The following UBE3C variants were observed in gnomAD, a reference collection of about 807,000 sequenced individuals.
UBE3C encodes ubiquitin protein ligase E3C.
UBE3C carries 42 observed loss-of-function variants against 129.4 expected under a neutral mutation model. The ratio of observed to expected loss-of-function variants is 0.32; its 90% CI spans 0.25 to 0.42. The LOEUF is 0.42. Ranked by LOEUF, UBE3C falls within the 10% of genes least tolerant of loss-of-function variation. The pLI, the probability that UBE3C is intolerant of heterozygous loss-of-function variation, is 1.00. For missense variants in UBE3C, 1,049 were observed against 1,319.1 expected, an observed-to-expected ratio of 0.80 and a Z score of 3.17; for synonymous variants, 510 against 492.4, an observed-to-expected ratio of 1.04 and a Z score of -0.47.
At chr7:157,140,149 C>T in intron 1 of UBE3C, 1 of 423,954 alleles carries the variant, frequency 2.4e-6, no homozygotes, top group Non-Finnish European at 3.2e-6. Context: ...ACTGTGTGGT[C>T]TTGTTCCCGC....
intron 17 of UBE3C, among the ~76,000 whole-genome samples, chr7:157,230,556 G>A (rs1636606): frequency 1.3e-4 from 20 of 152,004 alleles, no homozygotes; most frequent in Non-Finnish European, 2.1e-4. Context: ...TTAGCCAGGT[G>A]TGGTGGCACA....
At chr7:157,155,365 A>G (rs1323435300) in intron 1 of UBE3C, among the ~76,000 whole-genome samples, 3 of 152,212 alleles carry the variant, frequency 2.0e-5, no homozygotes, top group Non-Finnish European at 4.4e-5. Flanking sequence ...TTCTGTGTAA[A>G]TGGAGTAAAT....
Position 157,169,102 on chromosome 7 carries a change from T to A in UBE3C, c.175T>A (p.Tyr59Asn). 1 of 1,613,672 alleles carries A rather than the reference T, an allele frequency of 6.2e-7. No homozygotes were observed. Among genetic ancestry groups the A allele is most frequent in the Non-Finnish European group, 8.5e-7 (1 of 1,179,850 alleles). Residue 59 changes from tyrosine (Y) to asparagine (N), a missense_variant, in exon 3 of 23, where the codon TAT becomes AAT. By Grantham distance (143) the Tyr-to-Asn change is moderately radical. Around this residue, in one of 4 missense-constraint regions of UBE3C, gnomAD observed 489 missense variants for 513.8 expected, o/e 0.95. Transcript: ENST00000348165. ...AIIIQSFIRG[Y>N]RDRKQQYSIQ... ...AATTATCCAGTCATTTATTCGAGGC[T>A]ATAGAGACAGAAAACAGCAAGTAAG... is the stretch of plus-strand genomic sequence containing the variant.
intron 9 of UBE3C, among the ~76,000 whole-genome samples, chr7:157,186,271 A>G (rs1808802452): frequency 6.6e-6 from 1 of 152,108 alleles, no homozygotes; most frequent in Non-Finnish European, 1.5e-5. Context: ...TAAAAATACA[A>G]AAATTAGCTG....
intron 10 of UBE3C, among the ~76,000 whole-genome samples, chr7:157,199,223 CT>C (rs1411761305): frequency 6.6e-6 from 1 of 152,102 alleles, no homozygotes; most frequent in Non-Finnish European, 1.5e-5. Flanking sequence ...CAAATAATAC[CT>C]TTTCAAATTA....
chr7:157,148,848 C>T (rs914214220), intron 1 of UBE3C, among the ~76,000 whole-genome samples: 1 of 151,288 alleles, frequency 6.6e-6, no homozygotes, highest in African/African-American at 2.4e-5. Context: ...CTCCTGATCT[C>T]CAGCGATTCT....
At position 157,253,436 on chromosome 7, in the gene UBE3C, G is replaced by T. The variant is rs1182379; in HGVS notation, c.2695-518G>T. On this transcript the variant is annotated intron_variant, in intron 19 of 22. Transcript: ENST00000348165. Reference sequence around the variant, plus strand: ...ATATACATAAGAAATTGGCTGATCTGTTATCACTGATCGTTACCACCACCC... The same window carrying T: ...ATATACATAAGAAATTGGCTGATCTTTTATCACTGATCGTTACCACCACCC... Among the ~76,000 whole-genome samples the T allele has an allele frequency of 8.9e-3, 1,353 of 152,334 alleles. 6 individuals are homozygous for T. Among genetic ancestry groups the T allele is most frequent in the Non-Finnish European group, 0.014 (926 of 68,032 alleles).
chr7:157,253,328 G>A (rs1365540148), intron 19 of UBE3C, among the ~76,000 whole-genome samples: 1 of 152,214 alleles, frequency 6.6e-6, no homozygotes, highest in Non-Finnish European at 1.5e-5. Context: ...CTCTTGTGGT[G>A]TTTATGGGAG....
At chr7:157,195,521 G>T (rs540927670) in intron 10 of UBE3C, among the ~76,000 whole-genome samples, 1 of 152,294 alleles carries the variant, frequency 6.6e-6, no homozygotes, top group East Asian at 1.9e-4. Flanking sequence ...TAAATTGATG[G>T]TGCTGATGGC....
At chr7:157,148,875 G>A (rs1247283166) in intron 1 of UBE3C, among the ~76,000 whole-genome samples, 1 of 151,484 alleles carries the variant, frequency 6.6e-6, no homozygotes, top group Non-Finnish European at 1.5e-5. Flanking sequence ...TCAGCCTCCT[G>A]AGGAGCTGGA....
At chr7:157,197,951 A>G (rs550404999) in intron 10 of UBE3C, 3 of 1,608,566 alleles carry the variant, frequency 1.9e-6, no homozygotes, top group East Asian at 4.5e-5. Context: ...CTTCTCCACT[A>G]AAAGCCTTGA....
At position 157,248,445 on chromosome 7, in the gene UBE3C, C is replaced by T. The variant is rs144443687; in HGVS notation, c.2559C>T (p.Asp853=). The T allele has an allele frequency of 1.5e-5, 25 of 1,613,490 alleles. No homozygotes were observed. The highest frequency in any genetic ancestry group is 1.1e-4 in the African/African-American group (8 of 74,864). The stretch of plus-strand genomic sequence containing the variant: ...CCAAGTTGCTTGGAACCAGTGCCGA[C>T]GTGGACATTCACCACCTCGCCTCCC... ...FLSKLLGTSA[D]VDIHHLASLD... is the part of the protein sequence containing the mutation. The change falls in exon 19 of 23, where the codon GAC becomes GAT. Residue 853 remains aspartate (D), a synonymous_variant. Transcript: ENST00000348165.
At chr7:157,259,566 T>C (rs890537681) in intron 22 of UBE3C, among the ~76,000 whole-genome samples, 1 of 152,216 alleles carries the variant, frequency 6.6e-6, no homozygotes, top group African/African-American at 2.4e-5. Context: ...ATAAATGATA[T>C]CTACTACACT....
chr7:157,204,279 G>A (rs529076034), intron 11 of UBE3C, among the ~76,000 whole-genome samples: 49 of 151,838 alleles, frequency 3.2e-4, no homozygotes, highest in African/African-American at 1.1e-3. Flanking sequence ...TGCATTGCTA[G>A]GACTTACAGC....
chr7:157,244,007 G>GA (rs1796412121), intron 18 of UBE3C, among the ~76,000 whole-genome samples: 1 of 152,150 alleles, frequency 6.6e-6, no homozygotes, highest in Non-Finnish European at 1.5e-5. Flanking sequence ...CGAGGCGGGT[G>GA]ATCACCTGAG....
intron 10 of UBE3C, among the ~76,000 whole-genome samples, chr7:157,198,818 G>A (rs780956720): frequency 6.6e-6 from 1 of 152,168 alleles, no homozygotes; most frequent in Non-Finnish European, 1.5e-5. Context: ...ACAGGCGTGA[G>A]CACCTGGCCC....
intron 18 of UBE3C, 147 bp downstream of exon 18, chr7:157,231,474 A>G: frequency 1.7e-6 from 2 of 1,202,658 alleles, no homozygotes; most frequent in East Asian, 2.4e-5. Context: ...GCACGAAACA[A>G]ATTTGTATGG....
chr7:157,251,151 G>C (rs80062807), intron 19 of UBE3C, among the ~76,000 whole-genome samples: 138 of 152,294 alleles, frequency 9.1e-4, no homozygotes, highest in Non-Finnish European at 1.6e-3. Context: ...AAGGATTTCT[G>C]TAGAAATAAA....
intron 1 of UBE3C, among the ~76,000 whole-genome samples, chr7:157,160,352 G>A (rs934864532): frequency 6.6e-6 from 1 of 152,178 alleles, no homozygotes; most frequent in Non-Finnish European, 1.5e-5. Flanking sequence ...TGGGATTACA[G>A]GTGTGAGCCC....
Sources: gnomAD v4.1 joint callset for allele counts (sites outside exome capture counted in the v4.1 genomes callset) on GRCh38, gnomAD v4.1.1 for gene constraint, gnomAD v4.1.1 regional missense constraint, MANE v1.5 for transcripts, NCBI Gene and HGNC (gene_info 2026-07-23, HGNC 2026-07-21) for gene names.